The following METTL15 variants were observed in gnomAD, a reference collection of about 807,000 sequenced individuals.
METTL15 encodes 12S rRNA N(4)-cytidine methyltransferase METTL15.
In METTL15, 34 loss-of-function variants were observed where a neutral mutation model predicts 38.3. That is an observed-to-expected ratio of 0.89 (90% CI 0.68 to 1.18). The LOEUF is 1.18. METTL15 is among the 50% of genes most tolerant of loss of function. METTL15 has a pLI of 0.00. For synonymous variants in METTL15, 162 were observed against 170.9 expected, an observed-to-expected ratio of 0.95 and a Z score of 0.41; for missense variants, 438 against 498.4, an observed-to-expected ratio of 0.88 and a Z score of 1.15.
At chr11:28,315,980 G>A (rs138278981) in intron 6 of METTL15, among the ~76,000 whole-genome samples, 2 of 152,332 alleles carry the variant, frequency 1.3e-5, no homozygotes, top group African/African-American at 4.8e-5. Flanking sequence ...CAGGGCTTGG[G>A]CCCTCATGGA....
At chr11:28,215,513 C>A (rs1334379846) in intron 4 of METTL15, among the ~76,000 whole-genome samples, 2 of 151,766 alleles carry the variant, frequency 1.3e-5, no homozygotes, top group African/African-American at 2.4e-5. Flanking sequence ...CTTCTTAGGC[C>A]TTCACTTGGG....
At chr11:28,279,197 A>G (rs954960801) in intron 4 of METTL15, among the ~76,000 whole-genome samples, 2 of 152,092 alleles carry the variant, frequency 1.3e-5, no homozygotes, top group Admixed American at 1.3e-4. Context: ...GGTGAATTGT[A>G]TTTTGATAAT....
intron 3 of METTL15, among the ~76,000 whole-genome samples, chr11:28,139,178 G>C (rs1221218009): frequency 6.6e-6 from 1 of 152,114 alleles, no homozygotes; most frequent in Non-Finnish European, 1.5e-5. Context: ...TACTTTGGGG[G>C]ATATATCTGA....
intron 6 of METTL15, among the ~76,000 whole-genome samples, chr11:28,445,713 A>G (rs1478057850): frequency 6.6e-6 from 1 of 152,036 alleles, no homozygotes; most frequent in Non-Finnish European, 1.5e-5. Flanking sequence ...GTGCAGTGGC[A>G]TGATCGCGAC....
At chr11:28,501,147 G>A (rs1373532799) in intron 6 of METTL15, among the ~76,000 whole-genome samples, 2 of 152,182 alleles carry the variant, frequency 1.3e-5, no homozygotes, top group South Asian at 4.1e-4. Context: ...CAAGAGCAGA[G>A]TGGTAATACT....
intron 6 of METTL15, among the ~76,000 whole-genome samples, chr11:28,441,749 G>A (rs928559274): frequency 2.0e-5 from 3 of 151,960 alleles, no homozygotes; most frequent in Non-Finnish European, 4.4e-5. Context: ...TAAAAAAAAA[G>A]TGGAAAACCT....
In METTL15 at chr11:28,497,014, C is replaced by A. The variant is rs535914430; in HGVS notation, c.*425-29464C>A. Reference sequence around the variant, plus strand: ...ATTGAGCTGGACATTGAGGCTAGTACAAAGGAAGCTGAAGACTCCATCTCT... The same window carrying A: ...ATTGAGCTGGACATTGAGGCTAGTAAAAAGGAAGCTGAAGACTCCATCTCT... On this transcript the variant is annotated intron_variant and NMD_transcript_variant, in intron 6 of 7. Coordinates refer to the METTL15 transcript ENST00000532947. 2.2e-4 allele frequency among the ~76,000 whole-genome samples: 33 copies of A among 152,286 alleles called. No homozygotes were observed. In the East Asian group the frequency reaches 6.2e-3, roughly 28 times the overall value.
intron 6 of METTL15, among the ~76,000 whole-genome samples, chr11:28,522,818 G>C (rs1851774704): frequency 6.6e-6 from 1 of 152,188 alleles, no homozygotes; most frequent in Admixed American, 6.5e-5. Flanking sequence ...CAGGAGGAAA[G>C]CTACATATGT....
chr11:28,116,527 T>C (rs749181073), intron 3 of METTL15, among the ~76,000 whole-genome samples: 3 of 152,218 alleles, frequency 2.0e-5, no homozygotes, highest in Non-Finnish European at 4.4e-5. Flanking sequence ...AACATGTGCA[T>C]GTGTGCACAC....
intron 3 of METTL15, among the ~76,000 whole-genome samples, chr11:28,122,387 A>ATG (rs934303386): frequency 9.4e-5 from 14 of 148,962 alleles, no homozygotes; most frequent in African/African-American, 3.4e-4. Context: ...ATATATATAT[A>ATG]TAGTCTTTTA....
At chr11:28,387,209 G>C (rs571035204) in intron 5 of METTL15, among the ~76,000 whole-genome samples, 1 of 151,626 alleles carries the variant, frequency 6.6e-6, no homozygotes, top group African/African-American at 2.4e-5. Flanking sequence ...AAATATTAGA[G>C]TAGAAATAAA....
chr11:28,227,148 G>A (rs1028883874), intron 4 of METTL15, among the ~76,000 whole-genome samples: 1 of 151,704 alleles, frequency 6.6e-6, no homozygotes, highest in Non-Finnish European at 1.5e-5. Flanking sequence ...ACATAGTTCC[G>A]AGGCTTGAGG....
chr11:28,442,244 G>T (rs1851040931), intron 6 of METTL15, among the ~76,000 whole-genome samples: 1 of 152,088 alleles, frequency 6.6e-6, no homozygotes, highest in Non-Finnish European at 1.5e-5. Context: ...ATAGTTATTT[G>T]GGAATTTGCT....
In METTL15 at chr11:28,438,251, A is replaced by G. The variant is rs528236810; in HGVS notation, c.*424+13887A>G. Among the ~76,000 whole-genome samples, 3 of 152,324 alleles carry G rather than the reference A, an allele frequency of 2.0e-5. No homozygotes were observed. The South Asian group carries it at 6.2e-4, about 32-fold the overall frequency. On this transcript the variant is annotated intron_variant and NMD_transcript_variant, in intron 6 of 7. Coordinates refer to the METTL15 transcript ENST00000532947. ...CAGTGAGAAAGAGAAATTGTGCACTATTCTCTCTAGGAGCTTCATTTATAA... is the reference window on the plus strand; with the variant it reads ...CAGTGAGAAAGAGAAATTGTGCACTGTTCTCTCTAGGAGCTTCATTTATAA...
intron 6 of METTL15, among the ~76,000 whole-genome samples, chr11:28,480,832 C>G (rs1851388802): frequency 6.6e-6 from 1 of 152,104 alleles, no homozygotes. Context: ...CAGTTTCAGA[C>G]AGAAGGAAAA....
rs369353690 is a variant in METTL15, at chr11:28,227,257, A to T, written c.407+16059A>T. Among the ~76,000 whole-genome samples the T allele has an allele frequency of 5.9e-5, 9 of 152,000 alleles. No homozygotes were observed. The South Asian group carries it at 1.9e-3, about 32-fold the overall frequency. On this transcript the variant is annotated intron_variant, in intron 4 of 6. Transcript: ENST00000407364. ...GAGGGATTAAGACCTATAGTCTGTGACTTCATAGAGTTTACAATGTAAGCA... is the reference window on the plus strand; with the variant it reads ...GAGGGATTAAGACCTATAGTCTGTGTCTTCATAGAGTTTACAATGTAAGCA...
chr11:28,196,509 G>A (rs2133812321), intron 3 of METTL15, among the ~76,000 whole-genome samples: 2 of 151,898 alleles, frequency 1.3e-5, no homozygotes, highest in Admixed American at 1.3e-4. Context: ...TCAGCTTATT[G>A]ATGTACAGCA....
At chr11:28,336,117 G>A (rs1849898762), downstream of METTL15, among the ~76,000 whole-genome samples, 1 of 152,122 alleles carries the variant, frequency 6.6e-6, no homozygotes, top group Non-Finnish European at 1.5e-5. Context: ...AATTGATAGG[G>A]TTATAGTCTG....
intron 4 of METTL15, among the ~76,000 whole-genome samples, chr11:28,238,057 A>C (rs938264590): frequency 6.6e-6 from 1 of 152,198 alleles, no homozygotes; most frequent in African/African-American, 2.4e-5. Context: ...GTCAGGGGTC[A>C]GGGACCCACT....
Sources: allele counts gnomAD v4.1 joint callset (sites outside exome capture counted in the v4.1 genomes callset), GRCh38; gene constraint gnomAD v4.1.1; transcripts MANE v1.5; gene names NCBI Gene and HGNC (gene_info 2026-07-23, HGNC 2026-07-21).